RALGAPB: variants seen among roughly 807,000 people sequenced by gnomAD.
The protein encoded by RALGAPB is Ral GTPase activating protein non-catalytic subunit beta, also known as ral GTPase-activating protein subunit beta.
A neutral mutation model predicts 161.1 loss-of-function variants in RALGAPB; 25 were observed. The observed-to-expected ratio is 0.16, with a 90% confidence interval of 0.11 to 0.22. The LOEUF is 0.22. RALGAPB is among the 10% of genes least tolerant of loss of function. RALGAPB has a pLI of 1.00. For synonymous variants in RALGAPB, 629 were observed against 626.1 expected, an observed-to-expected ratio of 1.00 and a Z score of -0.07; for missense variants, 1,391 against 1,815.2, an observed-to-expected ratio of 0.77 and a Z score of 4.25.
intron 1 of RALGAPB, among the ~76,000 whole-genome samples, chr20:38,487,543 CAGTTT>C (rs1176278387): frequency 6.6e-6 from 1 of 152,068 alleles, no homozygotes; most frequent in Non-Finnish European, 1.5e-5. Flanking sequence ...ATTAGTATTT[CAGTTT>C]AGTGCGAAAA....
intron 14 of RALGAPB, among the ~76,000 whole-genome samples, chr20:38,531,636 C>T (rs1002994515): frequency 1.3e-5 from 2 of 152,188 alleles, no homozygotes; most frequent in Non-Finnish European, 2.9e-5. Context: ...GCAGGTCCCT[C>T]AAAGCACCAA....
At chr20:38,489,477 C>T (rs955347773) in intron 2 of RALGAPB, among the ~76,000 whole-genome samples, 1 of 152,162 alleles carries the variant, frequency 6.6e-6, no homozygotes, top group African/African-American at 2.4e-5. Context: ...TTCAGCGGCC[C>T]AGGCTGAAGT....
In RALGAPB at chr20:38,553,973, C is replaced by A. The variant is rs372998383; in HGVS notation, c.3269C>A (p.Pro1090His). ...SEEELQKRSF[P>H]DPVTDCKPPP... ...GAGGAATTGCAGAAGAGAAGTTTTC[C>A]TGACCCAGTTACGGATTGCAAGCCC... The change falls in exon 22 of 30, where the codon CCT becomes CAT. Residue 1090 changes from proline (P) to histidine (H), a missense_variant. Pro to His is a moderately conservative substitution (Grantham distance 77). Transcript: ENST00000262879. The A allele has an allele frequency of 7.4e-6, 12 of 1,613,490 alleles. 1 individual carries two copies. The highest frequency in any genetic ancestry group is 8.5e-6 in the Non-Finnish European group (10 of 1,179,592).
intron 1 of RALGAPB, among the ~76,000 whole-genome samples, chr20:38,481,179 A>G (rs925521999): frequency 6.6e-6 from 1 of 152,178 alleles, no homozygotes; most frequent in African/African-American, 2.4e-5. Flanking sequence ...AGCTCAGCCT[A>G]TCTTTCAATC....
Position 38,564,178 on chromosome 20 carries a change from A to G in RALGAPB, c.3698-1181A>G, listed in dbSNP as rs936933826. ...AACCACAGCATCTACTACATCAAAT[A>G]CAAAGTGCCTGCCCGGAGCCCACAC... On this transcript the variant is annotated intron_variant, in intron 24 of 29. Coordinates refer to ENST00000262879, the MANE Select transcript of RALGAPB (RefSeq NM_020336.4). Among the ~76,000 whole-genome samples the G allele has an allele frequency of 7.2e-5, 11 of 152,158 alleles. 1 individual carries two copies. Among genetic ancestry groups the G allele is most frequent in the Non-Finnish European group, 1.6e-4 (11 of 68,028 alleles).
intron 6 of RALGAPB, among the ~76,000 whole-genome samples, chr20:38,511,478 C>T (rs193149221): frequency 2.4e-4 from 37 of 151,806 alleles, no homozygotes; most frequent in African/African-American, 8.7e-4. Flanking sequence ...AGGGCCCTGC[C>T]GCCTTCCGCA....
intron 24 of RALGAPB, among the ~76,000 whole-genome samples, chr20:38,564,956 T>C (rs915584994): frequency 2.0e-5 from 3 of 150,512 alleles, no homozygotes; most frequent in African/African-American, 7.3e-5. Context: ...TCTCTCTCTC[T>C]CTCTGTCTCT....
intron 2 of RALGAPB, among the ~76,000 whole-genome samples, chr20:38,489,778 T>C (rs2085222125): frequency 1.3e-5 from 2 of 152,022 alleles, no homozygotes; most frequent in South Asian, 4.2e-4. Flanking sequence ...CTCTGAAGAG[T>C]AAAGGTCTTC....
intron 29 of RALGAPB, 73 bp from the exon 30 acceptor site, chr20:38,574,701 A>AC (rs2088370949): frequency 7.1e-7 from 1 of 1,409,750 alleles, no homozygotes; most frequent in Non-Finnish European, 1.0e-6. Flanking sequence ...AGAATAGTTC[A>AC]CCTGAATACT....
chr20:38,494,073 A>G (rs191948728), intron 3 of RALGAPB, among the ~76,000 whole-genome samples: 3 of 152,126 alleles, frequency 2.0e-5, no homozygotes, highest in Admixed American at 2.0e-4. Context: ...CTACCTAACC[A>G]CTCAGGCCCA....
chr20:38,508,598 C>T (rs2085839857), intron 5 of RALGAPB, among the ~76,000 whole-genome samples: 2 of 152,032 alleles, frequency 1.3e-5, no homozygotes, highest in South Asian at 4.1e-4. Context: ...TAATTTAAAA[C>T]ACTCTTTTTT....
At chr20:38,541,763 T>C (rs1454709108) in intron 18 of RALGAPB, among the ~76,000 whole-genome samples, 1 of 151,968 alleles carries the variant, frequency 6.6e-6, no homozygotes. Context: ...GCAAAAGAGG[T>C]ATAAATAAAA....
chr20:38,563,754 A>G (rs1184839703), intron 24 of RALGAPB, among the ~76,000 whole-genome samples: 1 of 152,226 alleles, frequency 6.6e-6, no homozygotes, highest in African/African-American at 2.4e-5. Flanking sequence ...TTTATTGCCC[A>G]TGTAACTAAA....
At chr20:38,515,434 C>G (rs972665752) in intron 6 of RALGAPB, among the ~76,000 whole-genome samples, 1 of 152,068 alleles carries the variant, frequency 6.6e-6, no homozygotes, top group South Asian at 2.1e-4. Flanking sequence ...ATTGGAGAGG[C>G]TTTTTAATGG....
In RALGAPB at chr20:38,553,055, C is replaced by T. The variant is rs115617225; in HGVS notation, c.3163-812C>T. ...CAGGGGGAGGGATTGAGTGCCCCAC[C>T]GCAATAGTAGAGCACGAGCTCAGGA... is the stretch of plus-strand genomic sequence containing the variant. On this transcript the variant is annotated intron_variant, in intron 21 of 29. Transcript: ENST00000262879. Among the ~76,000 whole-genome samples, 375 of 152,148 alleles carry T rather than the reference C, an allele frequency of 2.5e-3. 1 individual carries two copies. Among genetic ancestry groups the T allele is most frequent in the African/African-American group, 8.4e-3 (347 of 41,480 alleles).
intron 5 of RALGAPB, among the ~76,000 whole-genome samples, chr20:38,501,697 G>T (rs552412431): frequency 1.5e-3 from 229 of 152,182 alleles, no homozygotes; most frequent in Non-Finnish European, 2.8e-3. Context: ...GAGCCACTGT[G>T]CCCAGCGTGA....
At chr20:38,565,574 A>G in intron 25 of RALGAPB, 96 bp downstream of exon 25, 3 of 1,400,226 alleles carry the variant, frequency 2.1e-6, no homozygotes, top group Admixed American at 2.1e-5. Context: ...GAAGTGATCT[A>G]AGGCATTCTT....
chr20:38,503,778 A>G (rs984275176), intron 5 of RALGAPB, among the ~76,000 whole-genome samples: 1 of 152,200 alleles, frequency 6.6e-6, no homozygotes, highest in Non-Finnish European at 1.5e-5. Context: ...ATTTTTTGTG[A>G]AAAGAAGAGT....
intron 13 of RALGAPB, among the ~76,000 whole-genome samples, chr20:38,529,523 A>T (rs949306618): frequency 5.9e-5 from 9 of 151,550 alleles, no homozygotes; most frequent in Non-Finnish European, 1.2e-4. Context: ...GTCTCAAAAA[A>T]AAAAAATAAA....
Sources: gnomAD v4.1 joint callset for allele counts (sites outside exome capture counted in the v4.1 genomes callset) on GRCh38, gnomAD v4.1.1 for gene constraint, MANE v1.5 for transcripts, NCBI Gene and HGNC (gene_info 2026-07-23, HGNC 2026-07-21) for gene names.